The following GEMIN5 variants were observed in gnomAD, a reference collection of about 807,000 sequenced individuals.
The protein encoded by GEMIN5 is gem-associated protein 5.
Under a neutral mutation model 176.9 loss-of-function variants are expected in GEMIN5, and 124 were observed. That is an observed-to-expected ratio of 0.70 (90% CI 0.61 to 0.81). The LOEUF is 0.81. Ranked by LOEUF, GEMIN5 falls within the 40% of genes least tolerant of loss-of-function variation. GEMIN5 has a pLI of 0.00. For synonymous variants in GEMIN5, 673 were observed against 665.2 expected (o/e 1.01, Z -0.18); for missense variants, 1,843 against 1,814.6 (o/e 1.02, Z -0.28).
chr5:154,917,885 A>G lies in GEMIN5; in HGVS notation c.1673+46T>C, dbSNP rs774414310. ...GGCATTAGTCAGCTTGTGATCAAAT[A>G]TATGTGCGATTGCAAATTTTTTATC... On this transcript the variant is annotated intron_variant, in intron 12 of 27. Transcript: ENST00000285873. 4.2e-6 allele frequency: 5 copies of G among 1,189,058 alleles called. No individual in the cohort carries two copies. The South Asian group carries it at 4.8e-5, about 12-fold the overall frequency. The allele number at this position is 1,189,058 out of a possible 1,614,324, so 73.7% of individuals were successfully genotyped here.
intron 5 of GEMIN5, among the ~76,000 whole-genome samples, chr5:154,930,992 CAA>C (rs1438617720): frequency 1.3e-5 from 2 of 152,102 alleles, no homozygotes; most frequent in Non-Finnish European, 2.9e-5. Flanking sequence ...AAGTTCTGTT[CAA>C]AGAGACATTT....
At position 154,912,950 on chromosome 5, in the gene GEMIN5, G is replaced by A; in HGVS notation, c.1944C>T (p.Ser648=). The A allele has an allele frequency of 1.9e-6, 3 of 1,613,676 alleles. No individual in the cohort carries two copies. Among genetic ancestry groups the A allele is most frequent in the South Asian group, 2.2e-5 (2 of 91,078 alleles). ...ATACCAGCCTTCCATCATGATGTGG[G>A]CTCCACGCCACACTGGTAATCTTGG... is the stretch of plus-strand genomic sequence containing the variant. The part of the protein sequence containing the change: ...HTAKITSVAW[S]PHHDGRLVSA... The change falls in exon 14 of 28, where the codon AGC becomes AGT. Residue 648 remains serine, a synonymous_variant. Transcript: ENST00000285873.
chr5:154,892,653 A>G, intron 24 of GEMIN5, 104 bp from the exon 25 acceptor site: 3 of 1,106,610 alleles, frequency 2.7e-6, no homozygotes, highest in Non-Finnish European at 2.6e-6. Context: ...AAGTACACAC[A>G]ATTCACACTT....
chr5:154,926,560 C>T (rs1380602991), intron 7 of GEMIN5, among the ~76,000 whole-genome samples: 1 of 152,174 alleles, frequency 6.6e-6, no homozygotes, highest in Non-Finnish European at 1.5e-5. Context: ...CCAAATAAGC[C>T]TAGCTTAACT....
chr5:154,912,533 T>C (rs182435845), intron 14 of GEMIN5, among the ~76,000 whole-genome samples: 106 of 152,334 alleles, frequency 7.0e-4, no homozygotes, highest in African/African-American at 2.4e-3. Context: ...GACTTACCAA[T>C]TTATTATTAA....
intron 23 of GEMIN5, among the ~76,000 whole-genome samples, chr5:154,897,759 G>A (rs2113461699): frequency 6.6e-6 from 1 of 152,060 alleles, no homozygotes; most frequent in South Asian, 2.1e-4. Flanking sequence ...TTTTTCCATA[G>A]CTTACAGTTA....
Position 154,897,914 on chromosome 5 carries a change from G to GGT in GEMIN5, c.3345+525_3345+526insAC, listed in dbSNP as rs368877922. On this transcript the variant is annotated intron_variant, in intron 23 of 27. Coordinates refer to ENST00000285873, the MANE Select transcript of GEMIN5 (RefSeq NM_015465.5). ...GGCTGACTAAGGTGTTTTTTTTTGTGTTTTTTTTTTTTTTTTTGAGACAGA... is the reference window on the plus strand; with the variant it reads ...GGCTGACTAAGGTGTTTTTTTTTGTGGTTTTTTTTTTTTTTTTTTGAGACAGA... Among the ~76,000 whole-genome samples the GGT allele has an allele frequency of 8.8e-5, 11 of 124,466 alleles. No homozygotes were observed. In the East Asian group the frequency reaches 1.4e-3, roughly 16 times the overall value. The allele number at this position is 124,466 out of a possible 152,430, so 81.7% of individuals were successfully genotyped here. A position where few individuals can be genotyped will look rare whatever the true frequency, so the allele number is the denominator to read the frequency against.
At chr5:154,894,211 C>G (rs1290765694) in intron 24 of GEMIN5, among the ~76,000 whole-genome samples, 1 of 152,136 alleles carries the variant, frequency 6.6e-6, no homozygotes, top group Admixed American at 6.5e-5. Context: ...TCCCAAAGTG[C>G]TGGGATTACA....
intron 7 of GEMIN5, among the ~76,000 whole-genome samples, 181 bp from the exon 8 acceptor site, chr5:154,926,255 G>A (rs938851609): frequency 6.6e-6 from 1 of 152,196 alleles, no homozygotes; most frequent in African/African-American, 2.4e-5. Context: ...TTGCTTAAAG[G>A]GATCTTAAAA....
intron 3 of GEMIN5, 67 bp downstream of exon 3, chr5:154,935,774 G>A (rs1764254861): frequency 1.8e-6 from 2 of 1,115,426 alleles, no homozygotes; most frequent in African/African-American, 1.6e-5. Context: ...GACAGAGAAG[G>A]TAAAGAAAAT....
intron 15 of GEMIN5, 86 bp from the exon 16 acceptor site, chr5:154,907,904 T>C (rs1326619008): frequency 1.2e-6 from 1 of 850,862 alleles, no homozygotes; most frequent in African/African-American, 1.7e-5. Flanking sequence ...ATCTCATTCC[T>C]CTTTAATAGC....
intron 15 of GEMIN5, among the ~76,000 whole-genome samples, chr5:154,910,371 G>A (rs1162863997): frequency 6.6e-6 from 1 of 152,074 alleles, no homozygotes; most frequent in Non-Finnish European, 1.5e-5. Context: ...GGTTAGTCCT[G>A]AACTCCTGGG....
intron 7 of GEMIN5, among the ~76,000 whole-genome samples, chr5:154,926,833 C>T (rs564837196): frequency 6.6e-6 from 1 of 152,290 alleles, no homozygotes; most frequent in Admixed American, 6.5e-5. Context: ...ATCACGAGGT[C>T]AGGAGATCGA....
intron 5 of GEMIN5, among the ~76,000 whole-genome samples, chr5:154,929,316 A>G (rs1443447753): frequency 2.0e-5 from 3 of 152,240 alleles, no homozygotes; most frequent in African/African-American, 7.2e-5. Context: ...TGTACCCAAA[A>G]GTATTGCAGT....
Position 154,905,443 on chromosome 5 carries a change from G to C in GEMIN5, c.2429C>G (p.Ser810Cys), listed in dbSNP as rs796882221. The C allele has an allele frequency of 1.2e-6, 2 of 1,604,346 alleles. No homozygotes were observed. The highest frequency in any genetic ancestry group is 3.4e-5 in the Admixed American group (2 of 59,424). ...GACTTTTGACTTTTCAAAGCCTGAG[G>C]AAACTGGAGTGCAGATAACTGGTTC... ...SREPVICTPV[S>C]SGFEKSKVTI... Residue 810 changes from serine to cysteine, a missense_variant, in exon 17 of 28, where the codon TCC becomes TGC. Coordinates refer to ENST00000285873, the MANE Select transcript of GEMIN5 (RefSeq NM_015465.5).
At chr5:154,896,798 G>A (rs939129520) in intron 23 of GEMIN5, among the ~76,000 whole-genome samples, 3 of 152,308 alleles carry the variant, frequency 2.0e-5, no homozygotes, top group Admixed American at 6.5e-5. Flanking sequence ...ACAGGCATTA[G>A]GAGCCATGTC....
intron 9 of GEMIN5, 27 bp downstream of exon 9, chr5:154,924,442 A>G (rs753145969): frequency 2.5e-5 from 37 of 1,472,706 alleles, no homozygotes; most frequent in Middle Eastern, 1.7e-4. Flanking sequence ...CCGGGCCACA[A>G]TGGAAGAAGA....
At chr5:154,928,906 G>C (rs1278241857) in intron 5 of GEMIN5, among the ~76,000 whole-genome samples, 1 of 151,906 alleles carries the variant, frequency 6.6e-6, no homozygotes, top group Non-Finnish European at 1.5e-5. Context: ...AGGCTATCTT[G>C]ACAACCTCAA....
chr5:154,925,876 A>C lies in GEMIN5; in HGVS notation c.1279T>G (p.Ser427Ala), dbSNP rs141897922. ...AGAATCCTTACCGCTGTAACCTTGG[A>C]CTTCACGCCTTGCCAAAAATTTTTC... ...DVKNFWQGVK[S>A]KVTALCWHPT... Residue 427 changes from serine (S) to alanine (A), a missense_variant, in exon 8 of 28, where the codon TCC (serine) becomes GCC (alanine). Coordinates refer to ENST00000285873, the MANE Select transcript of GEMIN5 (RefSeq NM_015465.5). 1.0e-5 allele frequency: 16 copies of C among 1,606,528 alleles called. No homozygotes were observed. The highest frequency in any genetic ancestry group is 1.2e-5 in the Non-Finnish European group (14 of 1,173,184).
Sources: gnomAD v4.1 joint callset for allele counts (sites outside exome capture counted in the v4.1 genomes callset) on GRCh38, gnomAD v4.1.1 for gene constraint, MANE v1.5 for transcripts, NCBI Gene and HGNC (gene_info 2026-07-23, HGNC 2026-07-21) for gene names.